The following SESN1 variants were observed in gnomAD, a reference collection of about 807,000 sequenced individuals.
The protein encoded by SESN1 is sestrin 1, also known as sestrin-1.
Under a neutral mutation model 59.3 loss-of-function variants are expected in SESN1, and 30 were observed. That is an observed-to-expected ratio of 0.51 (90% CI 0.38 to 0.69). SESN1 has a LOEUF of 0.69. SESN1 is among the 30% of genes least tolerant of loss of function. The probability of loss-of-function intolerance (pLI) is 0.00; values close to 1 mark genes in which losing one functional copy is unlikely to be tolerated. For missense variants in SESN1, 566 were observed against 673.0 expected (o/e 0.84, Z 1.76); for synonymous variants, 197 against 219.9 (o/e 0.90, Z 0.92).
rs898560748 is a variant in SESN1, at chr6:108,986,078, TA to T, written c.*1465del. Among the ~76,000 whole-genome samples the T allele has an allele frequency of 4.1e-4, 63 of 152,090 alleles. No homozygotes were observed. Among genetic ancestry groups the T allele is most frequent in the African/African-American group, 1.4e-3 (60 of 41,412 alleles). On this transcript the variant is annotated 3_prime_UTR_variant, in exon 10 of 10. Coordinates refer to ENST00000436639, the MANE Select transcript of SESN1 (RefSeq NM_014454.3). ...TGTTTTGAGGAGTAACTAACAGAGT[TA>T]TCATCACAACAGCTTCAGTTAAACT...
In SESN1 at chr6:109,000,384, G is replaced by A. The variant is rs182363661; in HGVS notation, c.729+107C>T. 3.8e-5 allele frequency: 30 copies of A among 781,996 alleles called. No individual in the cohort carries two copies. In the Admixed American group the frequency reaches 8.6e-4, roughly 22 times the overall value. 48.4% of individuals were successfully genotyped at this position (781,996 alleles called of 1,614,324 possible). A position where few individuals can be genotyped will look rare whatever the true frequency, so the allele number is the denominator to read the frequency against. On this transcript the variant is annotated intron_variant, in intron 4 of 9. Transcript: ENST00000436639. Reference sequence around the variant, plus strand: ...GCATCTGTGGGAAGAGATTCAGGGGGTAGAAAATAGGAACTCTCTGTACTT... The same window carrying A: ...GCATCTGTGGGAAGAGATTCAGGGGATAGAAAATAGGAACTCTCTGTACTT...
At chr6:109,049,651 T>C (rs1450163623) in intron 1 of SESN1, among the ~76,000 whole-genome samples, 1 of 151,518 alleles carries the variant, frequency 6.6e-6, no homozygotes, top group African/African-American at 2.4e-5. Flanking sequence ...TGTACAATTA[T>C]TATGTGTCAG....
At position 109,093,939 on chromosome 6, in the gene SESN1, T is replaced by C. The variant is rs754310631; in HGVS notation, c.135A>G (p.Thr45=). 6 of 1,613,972 alleles carry C rather than the reference T, an allele frequency of 3.7e-6. No individual in the cohort carries two copies. The highest frequency in any genetic ancestry group is 5.1e-6 in the Non-Finnish European group (6 of 1,180,028). The change falls in exon 1 of 10, where the codon ACA becomes ACG. Residue 45 remains threonine (T), a synonymous_variant. Transcript: ENST00000436639. ...KTEYLRSVKE[T]PHRPSDGLSN... ...AAAGCCCGTCTGATGGACGATGAGG[T>C]GTTTCTTTCACCGAACGAAGATACT... is the stretch of plus-strand genomic sequence containing the variant.
chr6:109,041,437 T>C (rs1356203011), intron 1 of SESN1, among the ~76,000 whole-genome samples: 2 of 152,184 alleles, frequency 1.3e-5, no homozygotes, highest in Non-Finnish European at 2.9e-5. Flanking sequence ...CTTACGCCAC[T>C]AACAAGTAAC....
In SESN1 at chr6:109,069,485, G is replaced by A. The variant is rs571308473; in HGVS notation, c.279+24310C>T. Among the ~76,000 whole-genome samples the A allele has an allele frequency of 3.0e-4, 45 of 152,030 alleles. 2 individuals carry two copies. The East Asian group carries it at 8.1e-3, about 27-fold the overall frequency. ...TCAAATCAACTGTAACAAAATCTGA[G>A]GTAAAAGTAAAAACATCTTCAAATA... On this transcript the variant is annotated intron_variant, in intron 1 of 9. Coordinates refer to ENST00000436639, the MANE Select transcript of SESN1 (RefSeq NM_014454.3).
rs756225119 is a variant in SESN1 at position 108,990,694 on chromosome 6, T to C, written c.1375A>G (p.Met459Val). 5 of 1,614,140 alleles carry C rather than the reference T, an allele frequency of 3.1e-6. No homozygotes were observed. Among genetic ancestry groups the C allele is most frequent in the Non-Finnish European group, 3.4e-6 (4 of 1,179,998 alleles). ...TAGTTCCAAATTGCCCGTCTAAGCA[T>C]TGAGGTATCAACATCTTTGTGCATT... ...MAMHKDVDTSMLRRAIWNYIH... is the reference protein window; with the variant it reads ...MAMHKDVDTSVLRRAIWNYIH... Residue 459 changes from methionine to valine, a missense_variant, in exon 8 of 10, where the codon ATG (methionine) becomes GTG (valine). Met to Val is a conservative substitution (Grantham distance 21). Transcript: ENST00000436639.
intron 1 of SESN1, among the ~76,000 whole-genome samples, chr6:109,018,247 A>G (rs1435645295): frequency 6.6e-6 from 1 of 152,230 alleles, no homozygotes; most frequent in East Asian, 1.9e-4. Context: ...TCAACATTAA[A>G]TTCAATGGAG....
chr6:109,079,844 A>G (rs935276226), intron 1 of SESN1, among the ~76,000 whole-genome samples: 1 of 152,238 alleles, frequency 6.6e-6, no homozygotes, highest in African/African-American at 2.4e-5. Flanking sequence ...GAATAAAAGA[A>G]TAAGTTGAAT....
At chr6:109,054,084 T>TTG (rs1780589819) in intron 1 of SESN1, among the ~76,000 whole-genome samples, 1 of 151,114 alleles carries the variant, frequency 6.6e-6, no homozygotes, top group African/African-American at 2.4e-5. Context: ...CTTAATTTTT[T>TTG]GGGGGGGGAG....
chr6:109,006,008 G>C lies in SESN1; in HGVS notation c.280-3665C>G, dbSNP rs1779723974. ...TATCTGAGAACCAAATTGCCTTTCAGTTTTCGGCTTATTTCTTGAATAACA... is the reference window on the plus strand; with the variant it reads ...TATCTGAGAACCAAATTGCCTTTCACTTTTCGGCTTATTTCTTGAATAACA... On this transcript the variant is annotated intron_variant, in intron 1 of 9. Transcript: ENST00000436639. 1.3e-5 allele frequency among the ~76,000 whole-genome samples: 2 copies of C among 152,146 alleles called. 1 individual carries two copies. The highest frequency in any genetic ancestry group is 1.3e-4 in the Admixed American group (2 of 15,278).
At chr6:108,998,007 A>G (rs1779536138) in intron 5 of SESN1, among the ~76,000 whole-genome samples, 2 of 152,226 alleles carry the variant, frequency 1.3e-5, no homozygotes. Flanking sequence ...ATCACCTTCT[A>G]TATTGGTGCA....
At chr6:109,074,063 T>C (rs1205030687) in intron 1 of SESN1, among the ~76,000 whole-genome samples, 1 of 152,218 alleles carries the variant, frequency 6.6e-6, no homozygotes, top group Non-Finnish European at 1.5e-5. Flanking sequence ...ACTGTGCCTT[T>C]TCTATGTTTA....
At chr6:109,002,465 TC>T in intron 1 of SESN1, 122 bp from the exon 2 acceptor site, 2 of 727,834 alleles carry the variant, frequency 2.7e-6, no homozygotes, top group South Asian at 3.2e-5. Context: ...TGGTTTGTTT[TC>T]ATGGCTGTAT....
rs1367746653 is a variant in SESN1, at chr6:109,094,382, G to T, written c.-309C>A. On this transcript the variant is annotated 5_prime_UTR_variant, in exon 1 of 10. Transcript: ENST00000436639. ...TCGGGGAAGCGTTCTCCTCCGTCTC[G>T]CGGGGTCAGTGGATATCCTCACGTT... 2.5e-6 allele frequency: 1 copy of T among 398,668 alleles called. No homozygotes were observed. Among genetic ancestry groups the T allele is most frequent in the Non-Finnish European group, 4.6e-6 (1 of 218,858 alleles). The allele number at this position is 398,668 out of a possible 1,614,324, so 24.7% of individuals were successfully genotyped here. A position where few individuals can be genotyped will look rare whatever the true frequency, so the allele number is the denominator to read the frequency against.
At chr6:109,058,623 A>G (rs569751737) in intron 1 of SESN1, among the ~76,000 whole-genome samples, 49 of 152,352 alleles carry the variant, frequency 3.2e-4, no homozygotes, top group African/African-American at 1.1e-3. Context: ...TAACAGAAGG[A>G]AAGTTTCATT....
intron 1 of SESN1, among the ~76,000 whole-genome samples, chr6:109,083,930 G>A (rs1319161634): frequency 1.3e-5 from 2 of 152,128 alleles, no homozygotes; most frequent in African/African-American, 4.8e-5. Flanking sequence ...ATGAAATCAT[G>A]TAAAATTTAA....
Position 109,082,615 on chromosome 6 carries a change from G to C in SESN1, c.279+11180C>G, listed in dbSNP as rs1781144150. The stretch of plus-strand genomic sequence containing the variant: ...GCCTCTCTGCAACCTCTCCCTGCTG[G>C]TGCCATGCTGGCATACCAGAATGAT... On this transcript the variant is annotated intron_variant, in intron 1 of 9. Coordinates refer to ENST00000436639, the MANE Select transcript of SESN1 (RefSeq NM_014454.3). Among the ~76,000 whole-genome samples the C allele has an allele frequency of 1.3e-5, 2 of 152,156 alleles. 1 individual carries two copies. The highest frequency in any genetic ancestry group is 4.1e-4 in the South Asian group (2 of 4,830).
intron 1 of SESN1, among the ~76,000 whole-genome samples, chr6:109,036,736 C>G (rs1422332193): frequency 1.3e-5 from 2 of 152,112 alleles, no homozygotes; most frequent in Admixed American, 1.3e-4. Context: ...GAAGTGCTAC[C>G]ACAATTTTAG....
Position 108,998,764 on chromosome 6 carries a change from G to GAAAA in SESN1, c.730-13_730-10dup. The GAAAA allele has an allele frequency of 1.7e-6, 2 of 1,169,498 alleles. No homozygotes were observed. Among genetic ancestry groups the GAAAA allele is most frequent in the Admixed American group, 2.4e-5 (1 of 41,010 alleles). 72.4% of individuals were successfully genotyped at this position (1,169,498 alleles called of 1,614,324 possible). On this transcript the variant is annotated splice_polypyrimidine_tract_variant and intron_variant, in intron 4 of 9. Transcript: ENST00000436639. ...TCAGCTTTTAAAAGTCCCTTAGGGG[G>GAAAA]AAAAAAAAAAAGAATATATTTTTGT...
Sources: allele counts gnomAD v4.1 joint callset (sites outside exome capture counted in the v4.1 genomes callset), GRCh38; gene constraint gnomAD v4.1.1; transcripts MANE v1.5; gene names NCBI Gene and HGNC (gene_info 2026-07-23, HGNC 2026-07-21).